The following FHIT variants were observed in gnomAD, a reference collection of about 807,000 sequenced individuals.
FHIT encodes the protein fragile histidine triad diadenosine triphosphatase, also known as bis(5'-adenosyl)-triphosphatase.
In FHIT, 19 loss-of-function variants were observed where a neutral mutation model predicts 17.9. The observed-to-expected ratio is 1.06, with a 90% CI of 0.74 to 1.56. The LOEUF (loss-of-function observed/expected upper bound fraction) is 1.56. Ranked by LOEUF, FHIT falls within the 40% of genes most tolerant of loss-of-function variation. The pLI is 0.00. For synonymous variants in FHIT, 81 were observed against 69.7 expected (o/e 1.16, Z -0.81); for missense variants, 248 against 189.2 (o/e 1.31, Z -1.82).
At chr3:60,310,356 T>G (rs1465018531) in intron 5 of FHIT, among the ~76,000 whole-genome samples, 2 of 152,040 alleles carry the variant, frequency 1.3e-5, no homozygotes, top group Admixed American at 6.6e-5. Context: ...CTGAAAAGAA[T>G]AAGGGTTTAG....
At position 60,295,312 on chromosome 3, in the gene FHIT, A is replaced by C. The variant is rs182275759; in HGVS notation, c.103+241548T>G. On this transcript the variant is annotated intron_variant, in intron 5 of 9. Coordinates refer to ENST00000492590, the MANE Select transcript of FHIT (RefSeq NM_002012.4). ...GAAACTGGGTAACTTACAAAGAAAA[A>C]AGGTTTATTTGGCTCACGGTTCTGC... is the stretch of plus-strand genomic sequence containing the variant. Among the ~76,000 whole-genome samples the C allele has an allele frequency of 5.5e-3, 834 of 152,186 alleles. 4 individuals carry two copies. Among genetic ancestry groups the C allele is most frequent in the Middle Eastern group, 0.01 (3 of 294 alleles).
At chr3:60,400,234 G>A (rs766687619) in intron 5 of FHIT, among the ~76,000 whole-genome samples, 5 of 152,114 alleles carry the variant, frequency 3.3e-5, no homozygotes, top group Non-Finnish European at 7.3e-5. Flanking sequence ...ACTATAGCAG[G>A]GTAAGAAATG....
chr3:61,186,489 G>A (rs955992729), intron 2 of FHIT, among the ~76,000 whole-genome samples: 40 of 152,212 alleles, frequency 2.6e-4, no homozygotes, highest in African/African-American at 8.2e-4. Flanking sequence ...GGAGTTGCAC[G>A]GGTAGCCATA....
chr3:59,982,508 G>T (rs1575813492), intron 7 of FHIT, among the ~76,000 whole-genome samples: 1 of 152,296 alleles, frequency 6.6e-6, no homozygotes, highest in Middle Eastern at 3.4e-3. Context: ...ATAACTAACT[G>T]TGATCACTTT....
In FHIT at chr3:60,068,575, C is replaced by T. The variant is rs146900283; in HGVS notation, c.104-54423G>A. Among the ~76,000 whole-genome samples, 416 of 152,314 alleles carry T rather than the reference C, an allele frequency of 2.7e-3. 3 individuals are homozygous for T. Among genetic ancestry groups the T allele is most frequent in the African/African-American group, 9.5e-3 (393 of 41,564 alleles). ...GGTAGAAACCCCACCCAAGGGGTATCCTAGGCCCATAGTGCTCCCTAGTAC... is the reference window on the plus strand; with the variant it reads ...GGTAGAAACCCCACCCAAGGGGTATTCTAGGCCCATAGTGCTCCCTAGTAC... On this transcript the variant is annotated intron_variant, in intron 5 of 9. Transcript: ENST00000492590.
intron 4 of FHIT, among the ~76,000 whole-genome samples, chr3:60,820,529 G>A (rs1436196376): frequency 6.6e-6 from 1 of 152,172 alleles, no homozygotes; most frequent in African/African-American, 2.4e-5. Flanking sequence ...AAAGATGCCT[G>A]CCTCATCCCA....
At chr3:60,136,246 T>C (rs1315419883) in intron 5 of FHIT, among the ~76,000 whole-genome samples, 2 of 152,162 alleles carry the variant, frequency 1.3e-5, no homozygotes, top group Non-Finnish European at 2.9e-5. Flanking sequence ...GAGAGCTCAA[T>C]GTCAAGGTTA....
At chr3:60,760,049 CTCTT>C (rs1377869340) in intron 4 of FHIT, among the ~76,000 whole-genome samples, 2 of 149,030 alleles carry the variant, frequency 1.3e-5, no homozygotes, top group Admixed American at 6.7e-5. Context: ...TTTTCTTTAT[CTCTT>C]TCTCTTTCTT....
intron 5 of FHIT, among the ~76,000 whole-genome samples, chr3:60,414,529 A>G (rs1367823073): frequency 1.3e-5 from 2 of 152,190 alleles, no homozygotes; most frequent in African/African-American, 2.4e-5. Flanking sequence ...AAGGACCTCT[A>G]TTACTCCCTC....
rs892161933 is a variant in FHIT, at chr3:60,439,776, T to C, written c.103+97084A>G. On this transcript the variant is annotated intron_variant, in intron 5 of 9. Coordinates refer to ENST00000492590, the MANE Select transcript of FHIT (RefSeq NM_002012.4). ...GCAGAAGTGCAGGCATATATCATTT[T>C]AGAACGGAAGGAATATTCCAGACTT... Among the ~76,000 whole-genome samples, 7 of 152,252 alleles carry C rather than the reference T, an allele frequency of 4.6e-5. No individual in the cohort carries two copies. The East Asian group carries it at 1.4e-3, about 29-fold the overall frequency.
chr3:60,826,668 A>G (rs1553741116), intron 3 of FHIT, among the ~76,000 whole-genome samples: 1 of 152,202 alleles, frequency 6.6e-6, no homozygotes, highest in African/African-American at 2.4e-5. Context: ...AGAGGGAACC[A>G]TCTGTCATTT....
intron 4 of FHIT, among the ~76,000 whole-genome samples, chr3:60,588,504 A>C (rs1479050980): frequency 2.0e-5 from 3 of 151,932 alleles, no homozygotes; most frequent in Admixed American, 6.6e-5. Flanking sequence ...GAATGGAAGG[A>C]GGGAAGGAAG....
At chr3:60,920,511 G>C (rs1707223393) in intron 3 of FHIT, among the ~76,000 whole-genome samples, 1 of 152,072 alleles carries the variant, frequency 6.6e-6, no homozygotes, top group Non-Finnish European at 1.5e-5. Context: ...GGAATAGACA[G>C]TAAAGGCCTC....
At chr3:60,663,158 A>ATATATATATATATATATATATATATC (rs1553691626) in intron 4 of FHIT, among the ~76,000 whole-genome samples, 1 of 134,006 alleles carries the variant, frequency 7.5e-6, no homozygotes, top group Non-Finnish European at 1.6e-5. Flanking sequence ...GTGGAGATAT[A>ATATATATATATATATATATATATATC]TATCTCTTTA....
At chr3:60,713,948 C>T (rs1468995898) in intron 4 of FHIT, among the ~76,000 whole-genome samples, 2 of 151,712 alleles carry the variant, frequency 1.3e-5, no homozygotes, top group African/African-American at 4.8e-5. Context: ...CCAGCATCAT[C>T]CTGATACCAA....
intron 8 of FHIT, among the ~76,000 whole-genome samples, chr3:59,821,109 C>T (rs574446522): frequency 1.2e-4 from 18 of 152,192 alleles, no homozygotes; most frequent in East Asian, 3.9e-4. Context: ...CAAGCTTGAG[C>T]GCCACCATCT....
chr3:60,654,168 C>T (rs1176357767), intron 4 of FHIT, among the ~76,000 whole-genome samples: 1 of 152,150 alleles, frequency 6.6e-6, no homozygotes, highest in African/African-American at 2.4e-5. Flanking sequence ...AGAAGCCGAG[C>T]CAGCACCGTG....
intron 5 of FHIT, among the ~76,000 whole-genome samples, chr3:60,415,645 A>G (rs1298460877): frequency 6.6e-6 from 1 of 151,738 alleles, no homozygotes. Context: ...GTCCACTGAT[A>G]TTACACTGGA....
intron 5 of FHIT, among the ~76,000 whole-genome samples, chr3:60,269,899 C>T (rs1019952084): frequency 1.3e-5 from 2 of 152,174 alleles, no homozygotes. Flanking sequence ...TATGGGTGAA[C>T]ATTTGCTGAC....
Sources: gnomAD v4.1 joint callset for allele counts (sites outside exome capture counted in the v4.1 genomes callset) on GRCh38, gnomAD v4.1.1 for gene constraint, MANE v1.5 for transcripts, NCBI Gene and HGNC (gene_info 2026-07-23, HGNC 2026-07-21) for gene names.